The following SPIDR variants were observed in gnomAD, a reference collection of about 807,000 sequenced individuals.
SPIDR encodes the protein DNA repair-scaffolding protein.
Under a neutral mutation model 104.6 loss-of-function variants are expected in SPIDR, and 93 were observed. The ratio of observed to expected loss-of-function variants is 0.89; its 90% CI spans 0.75 to 1.06. The LOEUF is 1.06. Ranked by LOEUF, SPIDR falls within the 50% of genes least tolerant of loss-of-function variation. The pLI is 0.00. For missense variants in SPIDR, 1,154 were observed against 1,111.2 expected, an observed-to-expected ratio of 1.04 and a Z score of -0.55; for synonymous variants, 431 against 416.9, an observed-to-expected ratio of 1.03 and a Z score of -0.41.
chr8:47,463,513 A>G (rs879997835), intron 8 of SPIDR, among the ~76,000 whole-genome samples: 1 of 152,148 alleles, frequency 6.6e-6, no homozygotes, highest in African/African-American at 2.4e-5. Context: ...ACCACTTCCT[A>G]ACTCATTCCC....
At chr8:47,559,853 TTAAC>T (rs770091067) in intron 8 of SPIDR, among the ~76,000 whole-genome samples, 1 of 152,242 alleles carries the variant, frequency 6.6e-6, no homozygotes, top group Non-Finnish European at 1.5e-5. Flanking sequence ...CAGGTTGACT[TTAAC>T]AAACACAAAC....
intron 8 of SPIDR, among the ~76,000 whole-genome samples, chr8:47,476,162 C>G (rs987515127): frequency 6.6e-6 from 1 of 152,094 alleles, no homozygotes; most frequent in Non-Finnish European, 1.5e-5. Context: ...TGACAGTGTT[C>G]TTGGAGCTGT....
chr8:47,547,581 C>T (rs1176034980), intron 8 of SPIDR, among the ~76,000 whole-genome samples: 6 of 151,390 alleles, frequency 4.0e-5, no homozygotes, highest in Non-Finnish European at 8.8e-5. Context: ...TACAGGTGCC[C>T]ACCACCACGC....
intron 8 of SPIDR, among the ~76,000 whole-genome samples, chr8:47,594,540 T>C (rs1258092064): frequency 1.3e-5 from 2 of 152,000 alleles, no homozygotes; most frequent in African/African-American, 4.8e-5. Context: ...TTACCTAGAG[T>C]AGAGCAGTTA....
intron 8 of SPIDR, among the ~76,000 whole-genome samples, chr8:47,525,819 G>T (rs945854734): frequency 2.0e-5 from 3 of 151,826 alleles, no homozygotes; most frequent in African/African-American, 4.8e-5. Flanking sequence ...TAGCACTGCT[G>T]GCTAGTTGGA....
chr8:47,607,863 A>G (rs970395836), intron 10 of SPIDR, among the ~76,000 whole-genome samples: 1 of 151,310 alleles, frequency 6.6e-6, no homozygotes, highest in Non-Finnish European at 1.5e-5. Flanking sequence ...TCTGTCATGT[A>G]TACATAGTTC....
At chr8:47,451,602 A>G (rs2071748665) in intron 8 of SPIDR, among the ~76,000 whole-genome samples, 1 of 151,908 alleles carries the variant, frequency 6.6e-6, no homozygotes, top group Non-Finnish European at 1.5e-5. Flanking sequence ...ACACACACAC[A>G]CACACACTAG....
rs190394703 is a variant in SPIDR, at chr8:47,563,668, G to A, written c.1098-32143G>A. 1.1e-4 allele frequency among the ~76,000 whole-genome samples: 17 copies of A among 152,286 alleles called. No individual in the cohort carries two copies. The East Asian group carries it at 3.1e-3, about 28-fold the overall frequency. On this transcript the variant is annotated intron_variant, in intron 8 of 19. Coordinates refer to ENST00000297423, the MANE Select transcript of SPIDR (RefSeq NM_001080394.4). Reference sequence around the variant, plus strand: ...CTTAGAATCTGCAAGGGTCCAGATCGTTGGCATGCTATCAGCTTGGTAAGA... The same window carrying A: ...CTTAGAATCTGCAAGGGTCCAGATCATTGGCATGCTATCAGCTTGGTAAGA...
chr8:47,547,537 C>T (rs1250836326), intron 8 of SPIDR: 1 of 179,706 alleles, frequency 5.6e-6, no homozygotes, highest in Non-Finnish European at 1.2e-5. Context: ...AGCAATTCTC[C>T]TGGCTCAGCC....
intron 8 of SPIDR, among the ~76,000 whole-genome samples, chr8:47,517,055 G>A (rs1257785236): frequency 6.6e-6 from 1 of 152,066 alleles, no homozygotes; most frequent in African/African-American, 2.4e-5. Context: ...CACGATCTCG[G>A]CTCACTGCAA....
chr8:47,359,833 C>T (rs1336791695), intron 5 of SPIDR, among the ~76,000 whole-genome samples: 1 of 152,204 alleles, frequency 6.6e-6, no homozygotes. Flanking sequence ...TTCGTAAGAA[C>T]AAGCTATGAT....
At chr8:47,705,196 G>A (rs1387207543) in intron 14 of SPIDR, among the ~76,000 whole-genome samples, 1 of 152,224 alleles carries the variant, frequency 6.6e-6, no homozygotes, top group Non-Finnish European at 1.5e-5. Context: ...GACCAAGAGT[G>A]AAGCAGGTCA....
intron 5 of SPIDR, among the ~76,000 whole-genome samples, chr8:47,362,093 T>G (rs2056110751): frequency 6.6e-6 from 1 of 152,188 alleles, no homozygotes; most frequent in Admixed American, 6.5e-5. Flanking sequence ...GGTGTGGAAC[T>G]GGGTGCTGCA....
chr8:47,367,670 C>T (rs1554635567), intron 5 of SPIDR, among the ~76,000 whole-genome samples: 1 of 152,156 alleles, frequency 6.6e-6, no homozygotes, highest in Non-Finnish European at 1.5e-5. Context: ...GCCCACATTG[C>T]CACCCTTCCC....
intron 5 of SPIDR, among the ~76,000 whole-genome samples, chr8:47,314,260 C>G (rs587738042): frequency 6.6e-6 from 1 of 151,548 alleles, no homozygotes; most frequent in Non-Finnish European, 1.5e-5. Context: ...GAAAAAAATG[C>G]AAAGAGGTGA....
At chr8:47,411,482 C>A (rs1470414983) in intron 7 of SPIDR, among the ~76,000 whole-genome samples, 24 of 152,100 alleles carry the variant, frequency 1.6e-4, no homozygotes, top group Non-Finnish European at 2.4e-4. Context: ...CTGTTCATAT[C>A]CTTTGCCCAC....
intron 14 of SPIDR, among the ~76,000 whole-genome samples, chr8:47,705,565 A>G (rs1050696996): frequency 2.0e-5 from 3 of 152,174 alleles, no homozygotes; most frequent in African/African-American, 7.2e-5. Flanking sequence ...GTGAGGGTTG[A>G]CTTTCAGAAT....
intron 10 of SPIDR, among the ~76,000 whole-genome samples, chr8:47,661,287 T>C (rs2074063813): frequency 6.6e-6 from 1 of 152,204 alleles, no homozygotes; most frequent in Non-Finnish European, 1.5e-5. Flanking sequence ...TAAGCACTTA[T>C]CTAAGTTAAT....
chr8:47,563,037 C>CTTTTTTTTT (rs75347314), intron 8 of SPIDR, among the ~76,000 whole-genome samples: 11 of 134,882 alleles, frequency 8.2e-5, no homozygotes, highest in Non-Finnish European at 9.7e-5. Flanking sequence ...ACTCTTTTCT[C>CTTTTTTTTT]TTTTTTTTTT....
Sources: gnomAD v4.1 joint callset for allele counts (sites outside exome capture counted in the v4.1 genomes callset) on GRCh38, gnomAD v4.1.1 for gene constraint, MANE v1.5 for transcripts, NCBI Gene and HGNC (gene_info 2026-07-23, HGNC 2026-07-21) for gene names.